TSNARE1: variants seen among roughly 807,000 people sequenced by gnomAD.
TSNARE1 encodes t-SNARE domain-containing protein 1.
In TSNARE1, 49 loss-of-function variants were observed where a neutral mutation model predicts 62.0. The observed-to-expected ratio is 0.79, with a 90% CI of 0.63 to 1.00. The LOEUF (loss-of-function observed/expected upper bound fraction) is 1.00. Ranked by LOEUF, TSNARE1 falls within the 50% of genes least tolerant of loss-of-function variation. The pLI, the probability that TSNARE1 is intolerant of heterozygous loss-of-function variation, is 0.00. For missense variants in TSNARE1, 755 were observed against 700.1 expected (o/e 1.08, Z -0.88); for synonymous variants, 328 against 294.4 (o/e 1.11, Z -1.17).
In TSNARE1 at chr8:142,318,631, G is replaced by A; in HGVS notation, c.897C>T (p.His299=). ...TCTTGTTGGTCTCCTGCTGTGCCGTGTGCCTGGGGGCCGAGAAGGAGCCAG... is the reference window on the plus strand; with the variant it reads ...TCTTGTTGGTCTCCTGCTGTGCCGTATGCCTGGGGGCCGAGAAGGAGCCAG... The part of the protein sequence containing the change: ...SDTQELRDSL[H]TAQQETNKTI... The change falls in exon 7 of 14, where the codon CAC becomes CAT. Residue 299 remains histidine, a synonymous_variant. Coordinates refer to ENST00000524325, the MANE Select transcript of TSNARE1 (RefSeq NM_145003.5). The A allele has an allele frequency of 6.2e-7, 1 of 1,613,670 alleles. No homozygotes were observed. Among genetic ancestry groups the A allele is most frequent in the Non-Finnish European group, 8.5e-7 (1 of 1,179,990 alleles).
At position 142,344,174 on chromosome 8, in the gene TSNARE1, G is replaced by A. The variant is rs760178331; in HGVS notation, c.537C>T (p.Arg179=). ...QAVNALGYCR[R]DVVDLKHKWR... Reference sequence around the variant, plus strand: ...ACTTGTGCTTCAGGTCCACAACGTCGCGGCGACAGTAGCCCAGCGCATTCA... The same window carrying A: ...ACTTGTGCTTCAGGTCCACAACGTCACGGCGACAGTAGCCCAGCGCATTCA... Residue 179 remains arginine (R), a synonymous_variant, in exon 4 of 14, where the codon CGC becomes CGT. Transcript: ENST00000524325. 7 of 1,613,272 alleles carry A rather than the reference G, an allele frequency of 4.3e-6. No homozygotes were observed. The highest frequency in any genetic ancestry group is 3.3e-5 in the Admixed American group (2 of 60,000).
chr8:142,375,395 C>T (rs969716167), intron 1 of TSNARE1, among the ~76,000 whole-genome samples: 3 of 152,218 alleles, frequency 2.0e-5, no homozygotes, highest in Admixed American at 2.0e-4. Flanking sequence ...CAGAGCAGTG[C>T]GGGTGTGTCC....
At chr8:142,275,985 C>A (rs1820413243) in intron 11 of TSNARE1, 1 of 985,448 alleles carries the variant, frequency 1.0e-6, no homozygotes, top group South Asian at 4.7e-5. Flanking sequence ...GGAGGTGGAA[C>A]CCATGAGCCC....
At chr8:142,316,348 G>C (rs1307769700) in intron 7 of TSNARE1, among the ~76,000 whole-genome samples, 3 of 151,716 alleles carry the variant, frequency 2.0e-5, no homozygotes, top group African/African-American at 7.2e-5. Flanking sequence ...GCATGGAAAG[G>C]CTCCAGGCCG....
chr8:142,323,708 A>T (rs1829815378), intron 6 of TSNARE1, among the ~76,000 whole-genome samples: 1 of 152,228 alleles, frequency 6.6e-6, no homozygotes, highest in Non-Finnish European at 1.5e-5. Context: ...TGTCAGAGCC[A>T]GGGAGTCACC....
At chr8:142,278,357 C>T in intron 11 of TSNARE1, 1 of 985,472 alleles carries the variant, frequency 1.0e-6, no homozygotes, top group Non-Finnish European at 1.2e-6. Flanking sequence ...GCGTTTGAGG[C>T]CAGCCCCTGC....
At position 142,229,507 on chromosome 8, in the gene TSNARE1, T is replaced by G. The variant is rs754496046; in HGVS notation, c.1519A>C (p.Ile507Leu). 1 of 1,587,696 alleles carries G rather than the reference T, an allele frequency of 6.3e-7. No homozygotes were observed. Among genetic ancestry groups the G allele is most frequent in the Non-Finnish European group, 8.6e-7 (1 of 1,160,086 alleles). ...CATCACTTTCGGACAGAGGTGGCGATGATGATGATGATGACAAGCAGGGCA... is the reference window on the plus strand; with the variant it reads ...CATCACTTTCGGACAGAGGTGGCGAGGATGATGATGATGACAAGCAGGGCA... ...VTALLVIIII[I>L]ATSVRK The change falls in exon 13 of 14, where the codon ATC (isoleucine) becomes CTC (leucine). Residue 507 changes from isoleucine (I) to leucine (L), a missense_variant. By Grantham distance (5) the Ile-to-Leu change is conservative. Coordinates refer to ENST00000524325, the MANE Select transcript of TSNARE1 (RefSeq NM_145003.5).
intron 4 of TSNARE1, among the ~76,000 whole-genome samples, chr8:142,337,937 T>A (rs547858294): frequency 6.6e-6 from 1 of 152,338 alleles, no homozygotes; most frequent in African/African-American, 2.4e-5. Context: ...CCCATGACTC[T>A]GGCCGGGGAC....
chr8:142,263,367 A>C (rs1818982693), intron 12 of TSNARE1, among the ~76,000 whole-genome samples: 1 of 152,206 alleles, frequency 6.6e-6, no homozygotes, highest in Admixed American at 6.5e-5. Flanking sequence ...TGTTAAATCC[A>C]CTTCCAGCGT....
At chr8:142,323,011 T>G (rs564156889) in intron 6 of TSNARE1, among the ~76,000 whole-genome samples, 1 of 150,374 alleles carries the variant, frequency 6.7e-6, no homozygotes, top group Non-Finnish European at 1.5e-5. Flanking sequence ...GTGGGCTGGA[T>G]GATATTGTTA....
chr8:142,337,744 G>A (rs116127930), intron 4 of TSNARE1, among the ~76,000 whole-genome samples: 6,067 of 152,308 alleles, frequency 0.04, 391 homozygotes, highest in African/African-American at 0.13. Flanking sequence ...GCCTCCTGCC[G>A]CTTCCAGCCC....
At chr8:142,299,018 C>G (rs777256226) in intron 10 of TSNARE1, among the ~76,000 whole-genome samples, 1 of 152,214 alleles carries the variant, frequency 6.6e-6, no homozygotes, top group African/African-American at 2.4e-5. Context: ...GAGAAGCCCC[C>G]GAAGCAGCCT....
intron 10 of TSNARE1, among the ~76,000 whole-genome samples, chr8:142,297,813 C>T (rs921980118): frequency 6.6e-6 from 1 of 152,148 alleles, no homozygotes; most frequent in Non-Finnish European, 1.5e-5. Flanking sequence ...TGACAATTTG[C>T]GTTTTGTTTT....
intron 1 of TSNARE1, among the ~76,000 whole-genome samples, chr8:142,392,778 T>G (rs778328722): frequency 5.9e-5 from 9 of 151,908 alleles, no homozygotes; most frequent in Non-Finnish European, 8.8e-5. Context: ...CCGTCTCTAC[T>G]AAAAATACAA....
chr8:142,224,590 C>T (rs1439932278), intron 13 of TSNARE1, among the ~76,000 whole-genome samples: 1 of 152,218 alleles, frequency 6.6e-6, no homozygotes, highest in East Asian at 1.9e-4. Context: ...GGTGCAGCCA[C>T]TGCTCCCTTG....
At chr8:142,371,457 C>A (rs1191157223) in intron 1 of TSNARE1, among the ~76,000 whole-genome samples, 2 of 152,174 alleles carry the variant, frequency 1.3e-5, no homozygotes, top group African/African-American at 4.8e-5. Flanking sequence ...CACGACTGTA[C>A]AAATTCATCA....
chr8:142,316,212 A>G (rs1828502912), intron 7 of TSNARE1, among the ~76,000 whole-genome samples: 1 of 150,508 alleles, frequency 6.6e-6, no homozygotes, highest in Non-Finnish European at 1.5e-5. Context: ...GGAAGAGGTC[A>G]GACACAGGCG....
At chr8:142,255,460 ATCACC>A (rs1818392075) in intron 12 of TSNARE1, among the ~76,000 whole-genome samples, 1 of 77,674 alleles carries the variant, frequency 1.3e-5, no homozygotes, top group Non-Finnish European at 2.4e-5. Flanking sequence ...CACCATCACC[ATCACC>A]ATCACCACCA....
chr8:142,354,591 C>T (rs1204303676), intron 2 of TSNARE1, 46 bp downstream of exon 2: 2 of 1,394,708 alleles, frequency 1.4e-6, no homozygotes, highest in South Asian at 1.2e-5. Context: ...ACCCTACCCA[C>T]TACCATCCCC....
Sources: allele counts gnomAD v4.1 joint callset (sites outside exome capture counted in the v4.1 genomes callset), GRCh38; gene constraint gnomAD v4.1.1; transcripts MANE v1.5; gene names NCBI Gene and HGNC (gene_info 2026-07-23, HGNC 2026-07-21).